CNTN5: variants seen among roughly 807,000 people sequenced by gnomAD.
CNTN5 encodes contactin-5.
In CNTN5, 77 loss-of-function variants were observed where a neutral mutation model predicts 129.1. The observed-to-expected ratio is 0.60, with a 90% CI of 0.50 to 0.72. The LOEUF is 0.72. CNTN5 is among the 30% of genes least tolerant of loss of function. CNTN5 has a pLI of 0.00. For synonymous variants in CNTN5, 509 were observed against 465.6 expected (o/e 1.09, Z -1.20); for missense variants, 1,478 against 1,328.8 (o/e 1.11, Z -1.75).
intron 1 of CNTN5, among the ~76,000 whole-genome samples, chr11:99,287,715 A>G (rs757677713): frequency 7.9e-5 from 12 of 152,056 alleles, no homozygotes; most frequent in African/African-American, 2.7e-4. Flanking sequence ...TTAGGAGCCA[A>G]TGAAAATGTA....
chr11:99,711,989 A>T (rs1029038524), intron 3 of CNTN5, among the ~76,000 whole-genome samples: 1 of 152,114 alleles, frequency 6.6e-6, no homozygotes, highest in Non-Finnish European at 1.5e-5. Flanking sequence ...TCCTTTGGGT[A>T]TATACCCAGT....
At chr11:100,265,979 C>A (rs1280090960) in intron 17 of CNTN5, among the ~76,000 whole-genome samples, 1 of 152,146 alleles carries the variant, frequency 6.6e-6, no homozygotes, top group East Asian at 1.9e-4. Context: ...TCTTTGTTTA[C>A]TTAACTCAGA....
chr11:99,476,013 A>G (rs373621450), intron 2 of CNTN5, among the ~76,000 whole-genome samples: 1 of 152,008 alleles, frequency 6.6e-6, no homozygotes, highest in East Asian at 1.9e-4. Context: ...CTGGCCTAAC[A>G]TATCATTGAC....
Position 99,948,143 on chromosome 11 carries a change from A to G in CNTN5, c.674-8663A>G, listed in dbSNP as rs373354475. 2.1e-4 allele frequency among the ~76,000 whole-genome samples: 32 copies of G among 152,326 alleles called. No individual in the cohort carries two copies. In the East Asian group the frequency reaches 3.5e-3, roughly 17 times the overall value. On this transcript the variant is annotated intron_variant, in intron 7 of 24. Transcript: ENST00000524871. ...ACTGTCATCTTGTGGACTGCCATTGATTTCAGAAAATACAGGCTAATTTAA... is the reference window on the plus strand; with the variant it reads ...ACTGTCATCTTGTGGACTGCCATTGGTTTCAGAAAATACAGGCTAATTTAA...
At chr11:99,909,442 T>C (rs958761859) in intron 6 of CNTN5, among the ~76,000 whole-genome samples, 22 of 152,136 alleles carry the variant, frequency 1.4e-4, no homozygotes, top group African/African-American at 5.3e-4. Context: ...ACCATTTGAC[T>C]CAACCATCCC....
At chr11:99,535,937 G>A (rs1380697543) in intron 2 of CNTN5, among the ~76,000 whole-genome samples, 1 of 152,006 alleles carries the variant, frequency 6.6e-6, no homozygotes, top group Non-Finnish European at 1.5e-5. Flanking sequence ...TGTTAATTCT[G>A]ATTAGTTTTG....
At chr11:99,875,657 A>T (rs1209463087) in intron 6 of CNTN5, among the ~76,000 whole-genome samples, 1 of 152,154 alleles carries the variant, frequency 6.6e-6, no homozygotes, top group Non-Finnish European at 1.5e-5. Flanking sequence ...GTCCTAAAGC[A>T]TTCCATACCC....
At chr11:99,756,751 A>G (rs1215158268) in intron 3 of CNTN5, among the ~76,000 whole-genome samples, 1 of 152,084 alleles carries the variant, frequency 6.6e-6, no homozygotes, top group African/African-American at 2.4e-5. Context: ...TATTCTTGTT[A>G]TATAAGAAAG....
At chr11:100,351,254 A>T (rs1301611785) in intron 24 of CNTN5, among the ~76,000 whole-genome samples, 2 of 151,662 alleles carry the variant, frequency 1.3e-5, no homozygotes, top group African/African-American at 2.4e-5. Flanking sequence ...TAAGGAATTT[A>T]AAGAGAAGCT....
chr11:99,099,081 G>A (rs903015436), intron 1 of CNTN5, among the ~76,000 whole-genome samples: 4 of 152,094 alleles, frequency 2.6e-5, no homozygotes, highest in African/African-American at 9.7e-5. Flanking sequence ...TGGGCCAGCT[G>A]TGAACTTAAG....
chr11:100,284,129 T>C (rs941123217), intron 18 of CNTN5, among the ~76,000 whole-genome samples: 13 of 152,194 alleles, frequency 8.5e-5, no homozygotes, highest in African/African-American at 3.1e-4. Flanking sequence ...GGGCCACTGC[T>C]GGGGAATGGA....
rs1202853035 is a variant in CNTN5 at position 99,373,036 on chromosome 11, CTG to C, written c.-71+47554_-71+47555del. On this transcript the variant is annotated intron_variant, in intron 2 of 24. Coordinates refer to ENST00000524871, the MANE Select transcript of CNTN5 (RefSeq NM_014361.4). Reference sequence around the variant, plus strand: ...CCAGACTGGCCAACTTGGTAAAACCCTGTCTCTACTAAAACTACAAAAATTAG... The same window carrying C: ...CCAGACTGGCCAACTTGGTAAAACCCTCTCTACTAAAACTACAAAAATTAG... Among the ~76,000 whole-genome samples the C allele has an allele frequency of 2.0e-5, 3 of 152,038 alleles. No individual in the cohort carries two copies. The East Asian group carries it at 5.9e-4, about 30-fold the overall frequency.
chr11:99,833,642 G>T (rs149710797), intron 4 of CNTN5, among the ~76,000 whole-genome samples: 2 of 152,270 alleles, frequency 1.3e-5, no homozygotes, highest in African/African-American at 4.8e-5. Context: ...GAATACGTTT[G>T]TTGAGGTGCA....
intron 1 of CNTN5, among the ~76,000 whole-genome samples, chr11:99,182,922 T>C (rs1462788815): frequency 1.3e-5 from 2 of 150,810 alleles, no homozygotes; most frequent in African/African-American, 2.4e-5. Flanking sequence ...GTAGATAGCA[T>C]TAAAATAAAC....
chr11:100,299,458 A>G lies in CNTN5; in HGVS notation c.2620+62A>G, dbSNP rs1565412594. On this transcript the variant is annotated intron_variant, in intron 20 of 24. Coordinates refer to ENST00000524871, the MANE Select transcript of CNTN5 (RefSeq NM_014361.4). ...TTTACTTTGTTATACAAATAATCAG[A>G]CACCTTTGTACACATATTAGAAAAT... The G allele has an allele frequency of 9.6e-6, 9 of 936,914 alleles. No homozygotes were observed. In the South Asian group the frequency reaches 1.1e-4, roughly 11 times the overall value. 58.0% of individuals were successfully genotyped at this position (936,914 alleles called of 1,614,324 possible).
chr11:100,087,117 A>G (rs946696176), intron 13 of CNTN5, among the ~76,000 whole-genome samples: 1 of 151,726 alleles, frequency 6.6e-6, no homozygotes, highest in African/African-American at 2.4e-5. Flanking sequence ...ATCTGTAGTA[A>G]TCCTAAAATC....
In CNTN5 at chr11:99,679,676, G is replaced by T. The variant is rs551715629; in HGVS notation, c.55+123407G>T. Reference sequence around the variant, plus strand: ...AGACAACACTATTGAAATTAGGTCAGTTAAGAACCCTACCGTGGCCTCTAA... The same window carrying T: ...AGACAACACTATTGAAATTAGGTCATTTAAGAACCCTACCGTGGCCTCTAA... On this transcript the variant is annotated intron_variant, in intron 3 of 24. Coordinates refer to ENST00000524871, the MANE Select transcript of CNTN5 (RefSeq NM_014361.4). 5.3e-5 allele frequency among the ~76,000 whole-genome samples: 8 copies of T among 152,276 alleles called. No homozygotes were observed. In the South Asian group the frequency reaches 1.7e-3, roughly 32 times the overall value.
At chr11:100,113,187 T>C (rs1565252762) in intron 13 of CNTN5, among the ~76,000 whole-genome samples, 1 of 151,612 alleles carries the variant, frequency 6.6e-6, no homozygotes, top group Non-Finnish European at 1.5e-5. Context: ...CTGTTGAACA[T>C]TTGGTATGTA....
chr11:99,143,997 T>A (rs1170733725), intron 1 of CNTN5, among the ~76,000 whole-genome samples: 1 of 152,210 alleles, frequency 6.6e-6, no homozygotes, highest in East Asian at 1.9e-4. Flanking sequence ...TATTCTTATT[T>A]TTTCCCAAAC....
Sources: allele counts gnomAD v4.1 joint callset (sites outside exome capture counted in the v4.1 genomes callset), GRCh38; gene constraint gnomAD v4.1.1; transcripts MANE v1.5; gene names NCBI Gene and HGNC (gene_info 2026-07-23, HGNC 2026-07-21).